Variants in CAGE1 observed in about 807,000 individuals in gnomAD.
CAGE1 encodes the protein cancer antigen 1.
A neutral mutation model predicts 94.9 loss-of-function variants in CAGE1; 66 were observed. That is an observed-to-expected ratio of 0.70 (90% CI 0.57 to 0.85). CAGE1 has a LOEUF of 0.85. Ranked by LOEUF, CAGE1 falls within the 40% of genes least tolerant of loss-of-function variation. The probability of loss-of-function intolerance (pLI) is 0.00; values close to 1 mark genes in which losing one functional copy is unlikely to be tolerated. For synonymous variants in CAGE1, 319 were observed against 321.0 expected, an observed-to-expected ratio of 0.99 and a Z score of 0.07; for missense variants, 865 against 950.4, an observed-to-expected ratio of 0.91 and a Z score of 1.18.
chr6:7,374,725 G>A (rs1036619247), intron 4 of CAGE1, among the ~76,000 whole-genome samples: 4 of 152,090 alleles, frequency 2.6e-5, no homozygotes, highest in Admixed American at 6.6e-5. Flanking sequence ...TAGAGGTCTC[G>A]AGGAGGTTAT....
chr6:7,351,551 A>G (rs1759766192), intron 11 of CAGE1, among the ~76,000 whole-genome samples: 1 of 140,398 alleles, frequency 7.1e-6, no homozygotes. Context: ...AAAATAAAAT[A>G]AGATCACAGC....
Position 7,373,133 on chromosome 6 carries a change from T to C in CAGE1, c.1686A>G (p.Lys562=). Reference sequence around the variant, plus strand: ...GATCCTTTAACTGAGCTGTCTCAAATTTAGGGACATAATTTTGCTCTTCAC... The same window carrying C: ...GATCCTTTAACTGAGCTGTCTCAAACTTAGGGACATAATTTTGCTCTTCAC... ...ARSEEQNYVP[K]FETAQLKDQL... Residue 562 remains lysine, a synonymous_variant, in exon 5 of 14, where the codon AAA becomes AAG. Coordinates refer to ENST00000502583, the MANE Select transcript of CAGE1 (RefSeq NM_001170692.2). The C allele has an allele frequency of 6.2e-7, 1 of 1,613,410 alleles. No homozygotes were observed. The highest frequency in any genetic ancestry group is 8.5e-7 in the Non-Finnish European group (1 of 1,179,726).
intron 11 of CAGE1, among the ~76,000 whole-genome samples, chr6:7,352,468 C>A (rs576251001): frequency 6.6e-6 from 1 of 152,138 alleles, no homozygotes; most frequent in African/African-American, 2.4e-5. Context: ...GACCATACTG[C>A]CAAAAGCAAT....
chr6:7,377,664 G>A (rs963812546), intron 4 of CAGE1, among the ~76,000 whole-genome samples: 3 of 152,174 alleles, frequency 2.0e-5, no homozygotes, highest in Non-Finnish European at 4.4e-5. Context: ...TTGAATCCAG[G>A]AAGCAGGGGT....
At chr6:7,384,887 G>A (rs924644302) in intron 3 of CAGE1, among the ~76,000 whole-genome samples, 5 of 152,140 alleles carry the variant, frequency 3.3e-5, no homozygotes, top group Non-Finnish European at 4.4e-5. Flanking sequence ...TAGTAGAGAC[G>A]GGGTTTCGTC....
intron 3 of CAGE1, among the ~76,000 whole-genome samples, chr6:7,380,981 A>G (rs139053449): frequency 6.6e-6 from 1 of 152,294 alleles, no homozygotes; most frequent in East Asian, 1.9e-4. Context: ...CCTTTGCTCT[A>G]CACATCTCTC....
intron 11 of CAGE1, chr6:7,338,803 T>C: frequency 1.2e-6 from 1 of 864,286 alleles, no homozygotes; most frequent in Non-Finnish European, 2.0e-6. Flanking sequence ...CAGAGCAACA[T>C]CCAGACTCCA....
rs990248616 is a variant in CAGE1 at position 7,389,704 on chromosome 6, C to T, written c.-526G>A. Reference sequence around the variant, plus strand: ...AACACGCCTTCCTGAGAGCACAGAACATCCACAGCCCTATACAGCGCGCCA... The same window carrying T: ...AACACGCCTTCCTGAGAGCACAGAATATCCACAGCCCTATACAGCGCGCCA... On this transcript the variant is annotated 5_prime_UTR_variant, in exon 1 of 14. The change abolishes an upstream ATG in the 5' untranslated region. Coordinates refer to ENST00000502583, the MANE Select transcript of CAGE1 (RefSeq NM_001170692.2). 2 of 501,118 alleles carry T rather than the reference C, an allele frequency of 4.0e-6. No homozygotes were observed. Among genetic ancestry groups the T allele is most frequent in the African/African-American group, 1.9e-5 (1 of 52,124 alleles). 31.0% of individuals were successfully genotyped at this position (501,118 alleles called of 1,614,324 possible).
At position 7,389,700 on chromosome 6, in the gene CAGE1, A is replaced by T. The variant is rs1226895931; in HGVS notation, c.-522T>A. On this transcript the variant is annotated 5_prime_UTR_variant, in exon 1 of 14. Transcript: ENST00000502583. Reference sequence around the variant, plus strand: ...ACTCAACACGCCTTCCTGAGAGCACAGAACATCCACAGCCCTATACAGCGC... The same window carrying T: ...ACTCAACACGCCTTCCTGAGAGCACTGAACATCCACAGCCCTATACAGCGC... The T allele has an allele frequency of 2.0e-5, 10 of 492,762 alleles. No individual in the cohort carries two copies. The East Asian group carries it at 3.5e-4, about 17-fold the overall frequency. 30.5% of individuals were successfully genotyped at this position (492,762 alleles called of 1,614,324 possible).
At chr6:7,328,428 G>A (rs1466225118) in intron 13 of CAGE1, among the ~76,000 whole-genome samples, 2 of 152,196 alleles carry the variant, frequency 1.3e-5, no homozygotes, top group Non-Finnish European at 2.9e-5. Context: ...CTTCAGAGAG[G>A]AGGCAGAGCT....
intron 3 of CAGE1, among the ~76,000 whole-genome samples, chr6:7,383,186 C>T (rs992987016): frequency 6.6e-6 from 1 of 152,152 alleles, no homozygotes. Context: ...TGTCTTGTGC[C>T]GTGATTCTGT....
At chr6:7,370,847 T>G (rs373015992) in intron 5 of CAGE1, among the ~76,000 whole-genome samples, 1 of 152,136 alleles carries the variant, frequency 6.6e-6, no homozygotes, top group Admixed American at 6.5e-5. Flanking sequence ...AATGTCTTAA[T>G]ATTACTATAA....
At chr6:7,345,148 G>A (rs1349397179) in intron 11 of CAGE1, among the ~76,000 whole-genome samples, 5 of 42,550 alleles carry the variant, frequency 1.2e-4, no homozygotes, top group East Asian at 8.2e-4. Context: ...TTAGGAGCTA[G>A]GTCCATATTG....
At chr6:7,360,750 C>T (rs773040267) in intron 9 of CAGE1, among the ~76,000 whole-genome samples, 2 of 152,032 alleles carry the variant, frequency 1.3e-5, no homozygotes, top group Non-Finnish European at 2.9e-5. Flanking sequence ...TCAAGACCAG[C>T]CTGTCTAACA....
At chr6:7,386,572 T>G (rs1431266701) in intron 2 of CAGE1, among the ~76,000 whole-genome samples, 1 of 152,198 alleles carries the variant, frequency 6.6e-6, no homozygotes, top group Non-Finnish European at 1.5e-5. Flanking sequence ...GCTGCACTCC[T>G]GGCTAGAAAG....
intron 12 of CAGE1, among the ~76,000 whole-genome samples, 151 bp from the exon 13 acceptor site, chr6:7,330,039 A>G (rs1008453111): frequency 2.0e-5 from 3 of 152,180 alleles, no homozygotes; most frequent in Admixed American, 2.0e-4. Flanking sequence ...ACCCTCAGAG[A>G]TTAAGATCAA....
chr6:7,358,802 A>G (rs1760069638), intron 9 of CAGE1, among the ~76,000 whole-genome samples: 1 of 152,234 alleles, frequency 6.6e-6, no homozygotes, highest in Non-Finnish European at 1.5e-5. Context: ...CCTGGGTGAC[A>G]CAGCAAGTGA....
intron 9 of CAGE1, among the ~76,000 whole-genome samples, chr6:7,357,975 G>A (rs1163237399): frequency 7.1e-6 from 1 of 140,638 alleles, no homozygotes; most frequent in Non-Finnish European, 1.5e-5. Flanking sequence ...CATAGTTTTA[G>A]TAGAGACGGG....
At position 7,331,574 on chromosome 6, in the gene CAGE1, C is replaced by T. The variant is rs543475515; in HGVS notation, c.2439-1686G>A. ...AGCTGAGACACACCATTCTGGGCCC[C>T]ATTAAATACCACAGAGCCCTCTCCA... On this transcript the variant is annotated intron_variant, in intron 12 of 13. Transcript: ENST00000502583. 14 of 351,136 alleles carry T rather than the reference C, an allele frequency of 4.0e-5. No individual in the cohort carries two copies. The South Asian group carries it at 6.3e-4, about 16-fold the overall frequency. The allele number at this position is 351,136 out of a possible 1,614,324, so 21.8% of individuals were successfully genotyped here.
Sources: allele counts gnomAD v4.1 joint callset (sites outside exome capture counted in the v4.1 genomes callset), GRCh38; gene constraint gnomAD v4.1.1; transcripts MANE v1.5; gene names NCBI Gene and HGNC (gene_info 2026-07-23, HGNC 2026-07-21).